The following GGH variants were observed in gnomAD, a reference collection of about 807,000 sequenced individuals.
GGH encodes the protein gamma-Glu-X carboxypeptidase.
A neutral mutation model predicts 39.2 loss-of-function variants in GGH; 18 were observed. The observed-to-expected ratio is 0.46, with a 90% CI of 0.32 to 0.68. The LOEUF (loss-of-function observed/expected upper bound fraction) is 0.68. GGH is among the 30% of genes least tolerant of loss of function. The probability of loss-of-function intolerance (pLI) is 0.04; values close to 1 mark genes in which losing one functional copy is unlikely to be tolerated. For missense variants in GGH, 367 were observed against 384.1 expected (o/e 0.96, Z 0.37); for synonymous variants, 147 against 138.8 (o/e 1.06, Z -0.42).
Position 63,033,110 on chromosome 8 carries a change from G to T in GGH, c.224+2546C>A, listed in dbSNP as rs145995489. ...ACTTTATTTTTTAGAGTAATTTCAG[G>T]TTCACAGCAAAATTAAGAGAAGGTT... On this transcript the variant is annotated intron_variant, in intron 2 of 8. Coordinates refer to ENST00000260118, the MANE Select transcript of GGH (RefSeq NM_003878.3). 5.4e-3 allele frequency among the ~76,000 whole-genome samples: 828 copies of T among 152,120 alleles called. 22 individuals carry two copies. The highest frequency in any genetic ancestry group is 0.044 in the Admixed American group (669 of 15,260).
intron 7 of GGH, among the ~76,000 whole-genome samples, chr8:63,021,706 G>A (rs918412806): frequency 8.2e-5 from 10 of 122,082 alleles, no homozygotes; most frequent in East Asian, 4.9e-4. Flanking sequence ...GCAGAGTCTC[G>A]CTCTGTCACC....
chr8:63,017,754 C>T, intron 7 of GGH, 124 bp from the exon 8 acceptor site: 1 of 577,684 alleles, frequency 1.7e-6, no homozygotes, highest in South Asian at 2.7e-5. Context: ...TAAAATTGTA[C>T]ATATTCTCTC....
At chr8:63,034,114 G>A (rs1251426753) in intron 2 of GGH, among the ~76,000 whole-genome samples, 1 of 150,140 alleles carries the variant, frequency 6.7e-6, no homozygotes, top group Non-Finnish European at 1.5e-5. Context: ...GCATTAAAAA[G>A]TTTCCCTGAT....
chr8:63,024,937 G>A (rs964363516), intron 5 of GGH: 1 of 152,136 alleles, frequency 6.6e-6, no homozygotes, highest in Non-Finnish European at 1.5e-5. Flanking sequence ...CAATTATTAA[G>A]TGAGACAATG....
chr8:63,032,917 T>C (rs1164682338), intron 2 of GGH, among the ~76,000 whole-genome samples: 1 of 152,208 alleles, frequency 6.6e-6, no homozygotes, highest in African/African-American at 2.4e-5. Context: ...TTCCTCCCTG[T>C]GCCCTTTTAT....
chr8:63,021,613 A>G (rs1312472982), intron 7 of GGH, among the ~76,000 whole-genome samples: 3 of 151,350 alleles, frequency 2.0e-5, no homozygotes, highest in Admixed American at 6.6e-5. Context: ...TCACCAAGCC[A>G]TAAGTGGACA....
chr8:63,017,526 C>A lies in GGH; in HGVS notation c.802G>T (p.Ala268Ser), dbSNP rs554949020. Residue 268 changes from alanine to serine, a missense_variant, in exon 8 of 9, where the codon GCA becomes TCA. By Grantham distance (99) the Ala-to-Ser change is moderately conservative. Coordinates refer to ENST00000260118, the MANE Select transcript of GGH (RefSeq NM_003878.3). ...ISHAPNAVKT[A>S]FYLAEFFVNE... ...ACAAAAAACTCTGCTAAATAAAATGCGGTTTTCACAGCATTAGGTGCATGG... is the reference window on the plus strand; with the variant it reads ...ACAAAAAACTCTGCTAAATAAAATGAGGTTTTCACAGCATTAGGTGCATGG... The A allele has an allele frequency of 4.3e-6, 7 of 1,609,984 alleles. No individual in the cohort carries two copies. The highest frequency in any genetic ancestry group is 1.7e-5 in the Admixed American group (1 of 59,496).
At chr8:63,033,994 T>TAC (rs1451074797) in intron 2 of GGH, among the ~76,000 whole-genome samples, 2 of 146,556 alleles carry the variant, frequency 1.4e-5, no homozygotes, top group African/African-American at 2.5e-5. Context: ...TATATATATA[T>TAC]ATATATGTCT....
chr8:63,015,457 C>T lies in GGH; in HGVS notation c.836-4G>A, dbSNP rs1245676548. ...AAATGATGGTTGTTTTTCCGAGCTG[C>T]AAGAAAAAAAGTTAATTTTTAAAAA... On this transcript the variant is annotated splice_region_variant and splice_polypyrimidine_tract_variant and intron_variant, in intron 8 of 8. Coordinates refer to ENST00000260118, the MANE Select transcript of GGH (RefSeq NM_003878.3). The T allele has an allele frequency of 6.5e-7, 1 of 1,528,114 alleles. No homozygotes were observed. The allele number at this position is 1,528,114 out of a possible 1,614,324, so 94.7% of individuals were successfully genotyped here.
intron 8 of GGH, among the ~76,000 whole-genome samples, chr8:63,016,718 C>T (rs527975252): frequency 1.1e-4 from 17 of 152,276 alleles, no homozygotes; most frequent in African/African-American, 3.8e-4. Flanking sequence ...CTGCTTAAAT[C>T]GTAGGACTTA....
chr8:63,022,818 C>G (rs1057330383), intron 7 of GGH, among the ~76,000 whole-genome samples: 1 of 152,168 alleles, frequency 6.6e-6, no homozygotes, highest in Non-Finnish European at 1.5e-5. Flanking sequence ...GCCACCACAC[C>G]TGGCCTCAAT....
At chr8:63,022,585 T>A (rs558143261) in intron 7 of GGH, among the ~76,000 whole-genome samples, 2 of 152,238 alleles carry the variant, frequency 1.3e-5, no homozygotes, top group South Asian at 4.2e-4. Context: ...GAGTAAGTCT[T>A]ACTCTGTCGT....
intron 8 of GGH, 99 bp downstream of exon 8, chr8:63,017,393 AC>A: frequency 1.4e-6 from 1 of 720,880 alleles, no homozygotes; most frequent in Non-Finnish European, 2.3e-6. Flanking sequence ...TATAGAACTT[AC>A]AAAACATTTA....
Position 63,017,531 on chromosome 8 carries a change from T to G in GGH, c.797A>C (p.Lys266Thr), listed in dbSNP as rs377173089. The G allele has an allele frequency of 6.8e-6, 11 of 1,610,860 alleles. No homozygotes were observed. The highest frequency in any genetic ancestry group is 9.3e-6 in the Non-Finnish European group (11 of 1,178,186). Residue 266 changes from lysine (K) to threonine (T), a missense_variant, in exon 8 of 9, where the codon AAA becomes ACA. Physicochemically the swap from Lys to Thr is moderately conservative, Grantham distance 78 (BLOSUM62 -1). Transcript: ENST00000260118. Reference sequence around the variant, plus strand: ...AAACTCTGCTAAATAAAATGCGGTTTTCACAGCATTAGGTGCATGGGAAAT... The same window carrying G: ...AAACTCTGCTAAATAAAATGCGGTTGTCACAGCATTAGGTGCATGGGAAAT... ...DGISHAPNAV[K>T]TAFYLAEFFV...
chr8:63,026,024 A>G (rs1804677247), intron 5 of GGH, 134 bp downstream of exon 5: 4 of 651,260 alleles, frequency 6.1e-6, no homozygotes, highest in Non-Finnish European at 1.0e-5. Flanking sequence ...TTTAAATGCT[A>G]ATGTCATAAG....
intron 7 of GGH, among the ~76,000 whole-genome samples, chr8:63,020,473 A>C (rs1332311036): frequency 6.6e-6 from 1 of 152,210 alleles, no homozygotes; most frequent in African/African-American, 2.4e-5. Context: ...TAGAGGGATG[A>C]CAGAACAAGA....
chr8:63,035,639 A>C lies in GGH; in HGVS notation c.224+17T>G, dbSNP rs34099334. ...TTTTATACAGAGTAAAAAAAAAAAA[A>C]AAACACTGAATCATACCTTACTGGT... On this transcript the variant is annotated intron_variant, in intron 2 of 8. Transcript: ENST00000260118. The C allele has an allele frequency of 0.33, 527,122 of 1,580,306 alleles. 92,549 individuals carry two copies. The highest frequency in any genetic ancestry group is 0.64 in the East Asian group (28,690 of 44,624).
chr8:63,035,317 T>C (rs1316406685), intron 2 of GGH, among the ~76,000 whole-genome samples: 1 of 152,166 alleles, frequency 6.6e-6, no homozygotes, highest in Non-Finnish European at 1.5e-5. Context: ...GCAGTAATTA[T>C]TATTTTGAGA....
intron 2 of GGH, among the ~76,000 whole-genome samples, chr8:63,031,541 C>T (rs1563670315): frequency 6.6e-6 from 1 of 152,206 alleles, no homozygotes; most frequent in African/African-American, 2.4e-5. Flanking sequence ...GGGCAACCAT[C>T]GCCATCAGGG....
Sources: allele counts gnomAD v4.1 joint callset (sites outside exome capture counted in the v4.1 genomes callset), GRCh38; gene constraint gnomAD v4.1.1; transcripts MANE v1.5; gene names NCBI Gene and HGNC (gene_info 2026-07-23, HGNC 2026-07-21).